The following LRP1B variants were observed in gnomAD, a reference collection of about 807,000 sequenced individuals.
LRP1B encodes low-density lipoprotein receptor-related protein 1B.
LRP1B carries 217 observed loss-of-function variants against 556.6 expected under a neutral mutation model. The observed-to-expected ratio is 0.39, with a 90% confidence interval of 0.35 to 0.44. LRP1B has a LOEUF of 0.44. LRP1B is among the 20% of genes least tolerant of loss of function. The pLI is 1.00. For synonymous variants in LRP1B, 2,047 were observed against 1,865.8 expected (o/e 1.10, Z -2.50); for missense variants, 5,053 against 5,620.8 (o/e 0.90, Z 3.23).
intron 7 of LRP1B, among the ~76,000 whole-genome samples, chr2:141,149,743 G>A (rs1701874307): frequency 6.6e-6 from 1 of 152,088 alleles, no homozygotes; most frequent in South Asian, 2.1e-4. Context: ...CTATACTTCA[G>A]GAAAGAACAG....
intron 1 of LRP1B, among the ~76,000 whole-genome samples, chr2:141,972,898 TAG>T (rs1396719643): frequency 6.6e-6 from 1 of 151,678 alleles, no homozygotes; most frequent in Non-Finnish European, 1.5e-5. Flanking sequence ...AAGGGATTAA[TAG>T]ACTCATAATA....
intron 2 of LRP1B, among the ~76,000 whole-genome samples, chr2:141,649,163 A>C (rs1689692472): frequency 6.6e-6 from 1 of 152,188 alleles, no homozygotes. Context: ...ATAGCTTTCC[A>C]AATTGAAATG....
At chr2:141,746,097 G>C (rs62168667) in intron 2 of LRP1B, among the ~76,000 whole-genome samples, 1 of 151,902 alleles carries the variant, frequency 6.6e-6, no homozygotes, top group African/African-American at 2.4e-5. Context: ...CAGGAGCTGC[G>C]TTCCCTGGGG....
chr2:141,395,401 T>C (rs189265157), intron 3 of LRP1B, among the ~76,000 whole-genome samples: 3 of 152,284 alleles, frequency 2.0e-5, no homozygotes, highest in Admixed American at 2.0e-4. Context: ...CAGCATTTGG[T>C]AAAGTAATAT....
At chr2:141,709,406 G>A (rs1032588286) in intron 2 of LRP1B, among the ~76,000 whole-genome samples, 15 of 126,516 alleles carry the variant, frequency 1.2e-4, no homozygotes, top group African/African-American at 5.1e-4. Context: ...ACCCCTTTTG[G>A]AGAATGTGCT....
rs939353765 is a variant in LRP1B at position 141,814,873 on chromosome 2, G to A, written c.83-4472C>T. Among the ~76,000 whole-genome samples, 3 of 152,078 alleles carry A rather than the reference G, an allele frequency of 2.0e-5. No individual in the cohort carries two copies. The South Asian group carries it at 6.2e-4, about 32-fold the overall frequency. On this transcript the variant is annotated intron_variant, in intron 1 of 90. Coordinates refer to ENST00000389484, the MANE Select transcript of LRP1B (RefSeq NM_018557.3). The stretch of plus-strand genomic sequence containing the variant: ...AGAAGAGGGTGGGGCATGAACAGGT[G>A]GTCAAAAGGAAGAGGCAAAGAGGTA...
At chr2:140,971,460 A>G (rs1696421633) in intron 18 of LRP1B, among the ~76,000 whole-genome samples, 1 of 152,206 alleles carries the variant, frequency 6.6e-6, no homozygotes, top group Non-Finnish European at 1.5e-5. Flanking sequence ...CCACATTTGC[A>G]ACAATTTCTT....
intron 84 of LRP1B, among the ~76,000 whole-genome samples, chr2:140,297,586 G>A (rs1477080660): frequency 6.6e-6 from 1 of 152,088 alleles, no homozygotes; most frequent in Non-Finnish European, 1.5e-5. Context: ...ACAGGGAATG[G>A]TTATAATAAT....
At chr2:140,655,024 A>G (rs1329019185) in intron 41 of LRP1B, among the ~76,000 whole-genome samples, 1 of 151,574 alleles carries the variant, frequency 6.6e-6, no homozygotes, top group Non-Finnish European at 1.5e-5. Context: ...TTGTATGGGT[A>G]TATGTATGTA....
chr2:140,777,585 C>G (rs955035029), intron 32 of LRP1B, among the ~76,000 whole-genome samples: 1 of 152,122 alleles, frequency 6.6e-6, no homozygotes, highest in African/African-American at 2.4e-5. Flanking sequence ...TTAAACATCA[C>G]AGGAAATCAA....
chr2:140,333,325 G>C (rs952058015), intron 79 of LRP1B, among the ~76,000 whole-genome samples: 1 of 151,950 alleles, frequency 6.6e-6, no homozygotes, highest in Non-Finnish European at 1.5e-5. Context: ...GTATAACAAT[G>C]TGACAGTATA....
At chr2:140,758,485 T>TA (rs1435568566) in intron 35 of LRP1B, among the ~76,000 whole-genome samples, 1 of 152,006 alleles carries the variant, frequency 6.6e-6, no homozygotes, top group Non-Finnish European at 1.5e-5. Flanking sequence ...TTTAAACAAA[T>TA]AAAAGTATTT....
At chr2:140,698,962 A>G (rs1258342143) in intron 41 of LRP1B, among the ~76,000 whole-genome samples, 1 of 152,114 alleles carries the variant, frequency 6.6e-6, no homozygotes, top group Non-Finnish European at 1.5e-5. Flanking sequence ...ATGTCAACAG[A>G]AAAGCCTGTA....
intron 5 of LRP1B, among the ~76,000 whole-genome samples, chr2:141,242,129 G>T (rs1683900232): frequency 6.6e-6 from 1 of 151,932 alleles, no homozygotes; most frequent in South Asian, 2.1e-4. Flanking sequence ...AAAGGCCAGG[G>T]AATAGTATTT....
intron 2 of LRP1B, among the ~76,000 whole-genome samples, chr2:141,733,043 A>G (rs910726817): frequency 2.0e-5 from 3 of 152,092 alleles, no homozygotes; most frequent in African/African-American, 7.2e-5. Flanking sequence ...GTGAGGATCA[A>G]TGGTGGGGTT....
chr2:141,815,092 AAG>A (rs1696489734), intron 1 of LRP1B, among the ~76,000 whole-genome samples: 1 of 152,162 alleles, frequency 6.6e-6, no homozygotes, highest in African/African-American at 2.4e-5. Flanking sequence ...CCACTAGAGG[AAG>A]AGAGACTAGA....
Position 140,323,926 on chromosome 2 carries a change from C to A in LRP1B, c.12481G>T (p.Val4161Phe), listed in dbSNP as rs1197292018. The A allele has an allele frequency of 1.3e-6, 2 of 1,580,196 alleles. No homozygotes were observed. Among genetic ancestry groups the A allele is most frequent in the African/African-American group, 2.7e-5 (2 of 74,208 alleles). ...LALNIDKTKG[V>F]LISHRYKQLD... is the part of the protein sequence containing the mutation. ...TGTTTATAACGATGAGATATCAAAA[C>A]ACCTTTTGTTTTATCAATATTTAAA... The change falls in exon 81 of 91, where the codon GTT becomes TTT. Residue 4161 changes from valine to phenylalanine, a missense_variant. Coordinates refer to ENST00000389484, the MANE Select transcript of LRP1B (RefSeq NM_018557.3).
intron 84 of LRP1B, among the ~76,000 whole-genome samples, chr2:140,292,316 C>G (rs2104989313): frequency 6.6e-6 from 1 of 152,284 alleles, no homozygotes; most frequent in Admixed American, 6.5e-5. Flanking sequence ...ATAGCAACAT[C>G]TCTGGTATTA....
At chr2:140,324,913 AACAC>A (rs1323912054) in intron 80 of LRP1B, among the ~76,000 whole-genome samples, 9 of 151,542 alleles carry the variant, frequency 5.9e-5, no homozygotes, top group South Asian at 2.1e-4. Context: ...TTAAAAAAAA[AACAC>A]ACACACTTTA....
Sources: allele counts gnomAD v4.1 joint callset (sites outside exome capture counted in the v4.1 genomes callset), GRCh38; gene constraint gnomAD v4.1.1; transcripts MANE v1.5; gene names NCBI Gene and HGNC (gene_info 2026-07-23, HGNC 2026-07-21).